Variants in ZNF569 observed in about 807,000 individuals in gnomAD.
ZNF569 encodes the protein zinc finger protein 569.
Under a neutral mutation model 56.3 loss-of-function variants are expected in ZNF569, and 38 were observed. The observed-to-expected ratio is 0.68, with a 90% CI of 0.52 to 0.88. ZNF569 has a LOEUF of 0.88. Among genes scored for constraint, ZNF569 ranks in the 40% least tolerant of loss-of-function variants. The pLI is 0.00. For synonymous variants in ZNF569, 241 were observed against 262.9 expected (o/e 0.92, Z 0.81); for missense variants, 666 against 809.2 (o/e 0.82, Z 2.15).
chr19:37,426,036 C>T, intron 4 of ZNF569, 73 bp from the exon 5 acceptor site: 3 of 1,507,656 alleles, frequency 2.0e-6, no homozygotes, highest in South Asian at 2.3e-5. Flanking sequence ...TTGAGGCTGG[C>T]CCAGGAAAAC....
At chr19:37,462,375 C>T (rs1293559777) in intron 2 of ZNF569, among the ~76,000 whole-genome samples, 1 of 151,742 alleles carries the variant, frequency 6.6e-6, no homozygotes, top group African/African-American at 2.4e-5. Context: ...AGAATGTGTA[C>T]CTCTTAACTC....
Position 37,414,084 on chromosome 19 carries a change from C to T in ZNF569, c.574G>A (p.Gly192Arg). The T allele has an allele frequency of 2.5e-6, 4 of 1,613,682 alleles. No individual in the cohort carries two copies. The highest frequency in any genetic ancestry group is 3.4e-6 in the Non-Finnish European group (4 of 1,179,884). Residue 192 changes from glycine (G) to arginine (R), a missense_variant, in exon 6 of 6, where the codon GGA becomes AGA. Transcript: ENST00000316950. ...VITPFKCNHCGKGFNQTLDLI... is the reference protein window; with the variant it reads ...VITPFKCNHCRKGFNQTLDLI... Reference sequence around the variant, plus strand: ...TCCAAAGTCTGATTGAAGCCTTTTCCACAATGATTACACTTAAAGGGGGTA... The same window carrying T: ...TCCAAAGTCTGATTGAAGCCTTTTCTACAATGATTACACTTAAAGGGGGTA...
At position 37,413,469 on chromosome 19, in the gene ZNF569, G is replaced by A. The variant is rs772526989; in HGVS notation, c.1189C>T (p.Leu397Phe). Reference protein sequence around the residue: ...CGKAFSQSSALTVHMRSHTGE... With the variant: ...CGKAFSQSSAFTVHMRSHTGE... ...GTGTGACTTCTCATATGTACAGTAA[G>A]GGCTGAGCTTTGAGAGAAGGCTTTT... The change falls in exon 6 of 6, where the codon CTT becomes TTT. Residue 397 changes from leucine to phenylalanine, a missense_variant. Physicochemically the swap from Leu to Phe is conservative, Grantham distance 22. Coordinates refer to ENST00000316950, the MANE Select transcript of ZNF569 (RefSeq NM_152484.3). 1 of 1,613,890 alleles carries A rather than the reference G, an allele frequency of 6.2e-7. No homozygotes were observed. Among genetic ancestry groups the A allele is most frequent in the South Asian group, 1.1e-5 (1 of 91,052 alleles).
At chr19:37,441,106 A>T (rs2041397437) in intron 3 of ZNF569, among the ~76,000 whole-genome samples, 1 of 152,224 alleles carries the variant, frequency 6.6e-6, no homozygotes, top group Non-Finnish European at 1.5e-5. Context: ...GAAAAAGGAA[A>T]GACAGAGGAG....
intron 2 of ZNF569, among the ~76,000 whole-genome samples, chr19:37,449,379 G>C (rs370595109): frequency 6.6e-6 from 1 of 152,156 alleles, no homozygotes; most frequent in East Asian, 1.9e-4. Context: ...TGATAATGCC[G>C]TTTTGGAGTC....
chr19:37,449,522 GCT>G (rs758041099), intron 2 of ZNF569, among the ~76,000 whole-genome samples: 5 of 152,094 alleles, frequency 3.3e-5, no homozygotes, highest in Non-Finnish European at 5.9e-5. Context: ...ATATCTTGAA[GCT>G]CTGTTAGCTG....
At chr19:37,432,391 G>C (rs1045241819) in intron 3 of ZNF569, among the ~76,000 whole-genome samples, 1 of 152,170 alleles carries the variant, frequency 6.6e-6, no homozygotes, top group African/African-American at 2.4e-5. Context: ...AATTCTTCTG[G>C]ATCTTATCTA....
chr19:37,442,937 G>A (rs903486266), intron 3 of ZNF569, among the ~76,000 whole-genome samples: 2 of 152,232 alleles, frequency 1.3e-5, no homozygotes, highest in African/African-American at 4.8e-5. Context: ...ATCCTAGAGT[G>A]CTAGGGTAAT....
chr19:37,439,781 C>T (rs774699719), intron 3 of ZNF569, among the ~76,000 whole-genome samples: 3 of 152,078 alleles, frequency 2.0e-5, no homozygotes, highest in Non-Finnish European at 4.4e-5. Context: ...GAGATCATTA[C>T]GTTAAGTGAA....
At chr19:37,437,429 G>C (rs1302216645) in intron 3 of ZNF569, among the ~76,000 whole-genome samples, 1 of 152,130 alleles carries the variant, frequency 6.6e-6, no homozygotes, top group Non-Finnish European at 1.5e-5. Context: ...AATATGACAA[G>C]GGTGCCCACT....
intron 3 of ZNF569, among the ~76,000 whole-genome samples, chr19:37,427,230 T>C (rs983640087): frequency 2.6e-5 from 4 of 151,936 alleles, no homozygotes; most frequent in Non-Finnish European, 5.9e-5. Flanking sequence ...GGTAGGAGGA[T>C]TGCTTGAGCC....
chr19:37,419,552 T>C (rs2040994090), intron 5 of ZNF569, among the ~76,000 whole-genome samples: 1 of 152,032 alleles, frequency 6.6e-6, no homozygotes, highest in African/African-American at 2.4e-5. Flanking sequence ...TGAAACCCTG[T>C]CTCTACTAAA....
At chr19:37,451,316 C>T (rs2041588209) in intron 2 of ZNF569, among the ~76,000 whole-genome samples, 1 of 150,588 alleles carries the variant, frequency 6.6e-6, no homozygotes, top group Non-Finnish European at 1.5e-5. Flanking sequence ...AGGAGAATCA[C>T]TTGAACCCGG....
At chr19:37,467,017 CG>C (rs2041853784) in intron 1 of ZNF569, 66 bp downstream of exon 1, 1 of 152,452 alleles carries the variant, frequency 6.6e-6, no homozygotes, top group Non-Finnish European at 1.5e-5. Context: ...ACCAGGACCG[CG>C]GGCCCCCACT....
At chr19:37,430,194 C>CAAA (rs57159479) in intron 3 of ZNF569, among the ~76,000 whole-genome samples, 3,993 of 133,146 alleles carry the variant, frequency 0.03, 90 homozygotes, top group South Asian at 0.099. Flanking sequence ...GACCCTATCT[C>CAAA]AAAAAAAAAA....
intron 5 of ZNF569, among the ~76,000 whole-genome samples, chr19:37,419,969 CT>C (rs60568702): frequency 0.023 from 2,279 of 100,588 alleles, 21 homozygotes; most frequent in African/African-American, 0.062. Flanking sequence ...TCTTTTCTTT[CT>C]TTTTTTTTTT....
intron 2 of ZNF569, among the ~76,000 whole-genome samples, chr19:37,448,262 C>G (rs893977088): frequency 3.3e-5 from 5 of 152,184 alleles, no homozygotes; most frequent in African/African-American, 1.2e-4. Flanking sequence ...AATAGATATA[C>G]AACTATTCAG....
intron 2 of ZNF569, among the ~76,000 whole-genome samples, chr19:37,445,911 T>C (rs957751290): frequency 1.3e-5 from 2 of 149,986 alleles, no homozygotes; most frequent in Non-Finnish European, 3.0e-5. Context: ...CCCATCAAGG[T>C]ACCACCATCA....
At position 37,413,429 on chromosome 19, in the gene ZNF569, T is replaced by C. The variant is rs757160842; in HGVS notation, c.1229A>G (p.Tyr410Cys). Residue 410 changes from tyrosine (Y) to cysteine (C), a missense_variant, in exon 6 of 6, where the codon TAT becomes TGT. Transcript: ENST00000316950. The part of the protein sequence containing the change: ...HMRSHTGEKP[Y>C]ECKECRKAFS... ...GGCTTTTCTGCATTCCTTACATTCA[T>C]AGGGTTTCTCACCAGTGTGACTTCT... is the stretch of plus-strand genomic sequence containing the variant. The C allele has an allele frequency of 3.7e-6, 6 of 1,613,794 alleles. No individual in the cohort carries two copies. The highest frequency in any genetic ancestry group is 1.7e-5 in the Admixed American group (1 of 59,972).
Sources: allele counts gnomAD v4.1 joint callset (sites outside exome capture counted in the v4.1 genomes callset), GRCh38; gene constraint gnomAD v4.1.1; transcripts MANE v1.5; gene names NCBI Gene and HGNC (gene_info 2026-07-23, HGNC 2026-07-21).